Variants in GPHN observed in about 807,000 individuals in gnomAD.
GPHN encodes gephyrin.
In GPHN, 17 loss-of-function variants were observed where a neutral mutation model predicts 95.5. That is an observed-to-expected ratio of 0.18 (90% CI 0.12 to 0.27). The LOEUF (loss-of-function observed/expected upper bound fraction) is 0.27, where lower values mean the gene tolerates loss of function less well. Ranked by LOEUF, GPHN falls within the 10% of genes least tolerant of loss-of-function variation. The pLI, the probability that GPHN is intolerant of heterozygous loss-of-function variation, is 1.00. For missense variants in GPHN, 660 were observed against 978.1 expected (o/e 0.67, Z 4.34); for synonymous variants, 320 against 322.5 (o/e 0.99, Z 0.08).
At chr14:67,532,446 G>A in the GPHN span, among the ~76,000 whole-genome samples, 1 of 152,130 alleles carries the variant, frequency 6.6e-6, no homozygotes, top group East Asian at 1.9e-4. Flanking sequence ...GCCAAATGTT[G>A]AGTTTTCCAA....
chr14:66,621,909 C>T (rs1469604056), intron 1 of GPHN, among the ~76,000 whole-genome samples: 1 of 152,144 alleles, frequency 6.6e-6, no homozygotes. Flanking sequence ...TCCAGGCACA[C>T]AGTGCTGTCG....
At chr14:66,516,812 G>A (rs993164784) in intron 1 of GPHN, among the ~76,000 whole-genome samples, 3 of 152,130 alleles carry the variant, frequency 2.0e-5, no homozygotes, top group African/African-American at 7.2e-5. Flanking sequence ...TCTAATTAAT[G>A]GTTAAGAACT....
At chr14:67,200,064 C>G in the GPHN span, 2 of 947,512 alleles carry the variant, frequency 2.1e-6, no homozygotes, top group Non-Finnish European at 3.2e-6. Flanking sequence ...AGCCACCACC[C>G]CAACCACCAC....
intron 17 of GPHN, 31 bp from the exon 18 acceptor site, chr14:67,143,331 T>A: frequency 7.2e-7 from 1 of 1,379,356 alleles, no homozygotes; most frequent in Non-Finnish European, 1.0e-6. Flanking sequence ...TTTCCTTGTG[T>A]GTTAATTTCT....
At chr14:67,312,494 T>A in the GPHN span, 1 of 1,390,350 alleles carries the variant, frequency 7.2e-7, no homozygotes, top group Non-Finnish European at 9.7e-7. Context: ...TATATTGCCA[T>A]TTATTGTTGT....
At chr14:67,241,965 C>G in the GPHN span, 1 of 152,206 alleles carries the variant, frequency 6.6e-6, no homozygotes, top group Non-Finnish European at 1.5e-5. Flanking sequence ...GTCAGCGTTC[C>G]TCTGCCTGAC....
At chr14:67,448,024 C>T in the GPHN span, 10 of 151,406 alleles carry the variant, frequency 6.6e-5, no homozygotes, top group African/African-American at 1.7e-4. Flanking sequence ...GGAAACCTGC[C>T]GAACCCCATC....
chr14:67,018,121 T>C (rs947496345), intron 9 of GPHN, among the ~76,000 whole-genome samples: 3 of 152,146 alleles, frequency 2.0e-5, no homozygotes, highest in Admixed American at 2.0e-4. Context: ...ACTCCTATTC[T>C]ATATTATAAA....
At chr14:67,620,130 C>T in the GPHN span, 6 of 1,421,730 alleles carry the variant, frequency 4.2e-6, no homozygotes, top group Non-Finnish European at 5.8e-6. Context: ...GATCCTCCGC[C>T]CCCTAGAACC....
chr14:67,277,626 A>C, the GPHN span, among the ~76,000 whole-genome samples: 3 of 152,200 alleles, frequency 2.0e-5, no homozygotes, highest in Non-Finnish European at 2.9e-5. Flanking sequence ...ATTAGATTTA[A>C]TGTGTGGGTT....
At chr14:67,258,942 A>C in the GPHN span, among the ~76,000 whole-genome samples, 16 of 152,094 alleles carry the variant, frequency 1.1e-4, no homozygotes, top group African/African-American at 3.4e-4. Flanking sequence ...TCCCGGGTTC[A>C]AGTGATTTTC....
At chr14:67,611,464 A>G in the GPHN span, among the ~76,000 whole-genome samples, 2 of 150,850 alleles carry the variant, frequency 1.3e-5, no homozygotes, top group South Asian at 2.1e-4. Context: ...ATGGGGTTTC[A>G]CCGTATTGGG....
At chr14:66,645,461 T>C (rs894765288) in intron 1 of GPHN, among the ~76,000 whole-genome samples, 21 of 151,830 alleles carry the variant, frequency 1.4e-4, no homozygotes, top group Non-Finnish European at 2.2e-4. Flanking sequence ...CTGAGGCAGA[T>C]GTATTACCTG....
At chr14:67,573,466 G>A in the GPHN span, 4 of 973,604 alleles carry the variant, frequency 4.1e-6, no homozygotes, top group Non-Finnish European at 6.4e-6. This position sits in a 1 kb window ranked among gnomAD's most constrained non-coding sequence, Gnocchi z 4.8. Flanking sequence ...GACGGAGGAG[G>A]GGGAATGTGG....
the GPHN span, among the ~76,000 whole-genome samples, chr14:67,637,410 C>CAAAAAAAAAAAAAAAAAAAAAAAAAA: frequency 9.7e-6 from 1 of 103,620 alleles, no homozygotes. Context: ...GACTCTGTCT[C>CAAAAAAAAAAAAAAAAAAAAAAAAAA]AAAAAAAAAA....
At chr14:67,731,539 G>GT in the GPHN span, among the ~76,000 whole-genome samples, 1 of 151,806 alleles carries the variant, frequency 6.6e-6, no homozygotes, top group Non-Finnish European at 1.5e-5. Context: ...CTATTGGACA[G>GT]TTGCTACTCT....
intron 8 of GPHN, among the ~76,000 whole-genome samples, chr14:66,939,489 C>T (rs1426449057): frequency 6.6e-6 from 1 of 152,048 alleles, no homozygotes; most frequent in Non-Finnish European, 1.5e-5. Context: ...AATTGGAACT[C>T]CTGGCAAAGC....
Position 66,956,026 on chromosome 14 carries a change from T to C in GPHN, c.829-9165T>C, listed in dbSNP as rs548547312. On this transcript the variant is annotated intron_variant, in intron 8 of 22. Transcript: ENST00000478722. The stretch of plus-strand genomic sequence containing the variant: ...TGCCACAGTAATTTTGTTGATACTT[T>C]TAAAGGACCAACTTTGATTTTGTTG... 9.0e-4 allele frequency among the ~76,000 whole-genome samples: 137 copies of C among 152,374 alleles called. 1 individual carries two copies. Among genetic ancestry groups the C allele is most frequent in the African/African-American group, 3.2e-3 (133 of 41,596 alleles).
chr14:66,861,899 A>G (rs2063038213), intron 4 of GPHN, among the ~76,000 whole-genome samples: 1 of 152,074 alleles, frequency 6.6e-6, no homozygotes, highest in African/African-American at 2.4e-5. Flanking sequence ...GAAAAAATTC[A>G]AATAAATAAC....
Sources: allele counts gnomAD v4.1 joint callset (sites outside exome capture counted in the v4.1 genomes callset), GRCh38; gene constraint gnomAD v4.1.1; non-coding constraint Gnocchi (gnomAD v3.1); transcripts MANE v1.5; gene names NCBI Gene and HGNC (gene_info 2026-07-23, HGNC 2026-07-21).